The following TRPM3 variants were observed in gnomAD, a reference collection of about 807,000 sequenced individuals.
TRPM3 encodes transient receptor potential cation channel subfamily M member 3.
A neutral mutation model predicts 181.2 loss-of-function variants in TRPM3; 77 were observed. The observed-to-expected ratio is 0.42, with a 90% CI of 0.35 to 0.51. The LOEUF (loss-of-function observed/expected upper bound fraction) is 0.51, where lower values mean the gene tolerates loss of function less well. Among genes scored for constraint, TRPM3 ranks in the 20% least tolerant of loss-of-function variants. TRPM3 has a pLI of 0.01. For missense variants in TRPM3, 1,759 were observed against 2,196.7 expected, an observed-to-expected ratio of 0.80 and a Z score of 3.98; for synonymous variants, 745 against 796.4, an observed-to-expected ratio of 0.94 and a Z score of 1.09.
intron 1 of TRPM3, among the ~76,000 whole-genome samples, chr9:70,954,053 A>AT (rs890353041): frequency 1.4e-4 from 21 of 152,244 alleles, no homozygotes; most frequent in African/African-American, 2.9e-4. Flanking sequence ...GAAGACAATG[A>AT]TTTTTTCAGG....
intron 6 of TRPM3, among the ~76,000 whole-genome samples, chr9:70,820,643 T>C (rs1228997577): frequency 1.3e-5 from 2 of 152,190 alleles, no homozygotes; most frequent in Non-Finnish European, 2.9e-5. Context: ...CACATGGCAC[T>C]GAACCGCCAA....
At chr9:71,072,613 C>T (rs1007306807) in intron 1 of TRPM3, among the ~76,000 whole-genome samples, 1 of 152,098 alleles carries the variant, frequency 6.6e-6, no homozygotes, top group South Asian at 2.1e-4. Context: ...GGACCCAACC[C>T]GTCTGACTCC....
intron 1 of TRPM3, among the ~76,000 whole-genome samples, chr9:71,113,683 G>C (rs1175176595): frequency 3.9e-5 from 6 of 152,128 alleles, no homozygotes; most frequent in Non-Finnish European, 8.8e-5. Flanking sequence ...GTCATTCAAT[G>C]CTCTGTGAGC....
chr9:71,263,541 G>A (rs1458442373), intron 1 of TRPM3, among the ~76,000 whole-genome samples: 3 of 152,138 alleles, frequency 2.0e-5, no homozygotes, highest in Non-Finnish European at 4.4e-5. Flanking sequence ...AGTTAACACT[G>A]TATATGTTTG....
rs113453811 is a variant in TRPM3, at chr9:71,371,992, C to A, written c.183+74661G>T. 1.1e-3 allele frequency among the ~76,000 whole-genome samples: 161 copies of A among 152,208 alleles called. 2 individuals are homozygous for A. Among genetic ancestry groups the A allele is most frequent in the South Asian group, 6.0e-3 (29 of 4,822 alleles). On this transcript the variant is annotated intron_variant, in intron 1 of 24. Transcript: ENST00000357533. ...ATGCTCTCCCTTCCCACATCCCCCCCACAGGTGCCCAGTGTGTGTTGTTCC... is the reference window on the plus strand; with the variant it reads ...ATGCTCTCCCTTCCCACATCCCCCCAACAGGTGCCCAGTGTGTGTTGTTCC...
At chr9:70,884,214 T>A (rs937482100) in intron 1 of TRPM3, among the ~76,000 whole-genome samples, 2 of 152,228 alleles carry the variant, frequency 1.3e-5, no homozygotes, top group African/African-American at 4.8e-5. Context: ...GTTGCTTTTT[T>A]AAAACTTATT....
At chr9:70,919,574 A>G (rs1486391400) in intron 1 of TRPM3, among the ~76,000 whole-genome samples, 1 of 152,146 alleles carries the variant, frequency 6.6e-6, no homozygotes, top group Non-Finnish European at 1.5e-5. Context: ...ACCTGAGGTC[A>G]GGAGTTGGAG....
intron 1 of TRPM3, among the ~76,000 whole-genome samples, chr9:71,387,920 A>C (rs539673485): frequency 6.6e-6 from 1 of 152,278 alleles, no homozygotes; most frequent in African/African-American, 2.4e-5. Flanking sequence ...TTTTCTACTC[A>C]ATCATATATT....
intron 1 of TRPM3, among the ~76,000 whole-genome samples, chr9:71,364,923 T>C (rs775861403): frequency 6.6e-6 from 1 of 152,330 alleles, no homozygotes; most frequent in South Asian, 2.1e-4. Context: ...GAATCTATTC[T>C]TTTTTGGAAA....
chr9:71,054,484 C>T (rs1035999195), intron 1 of TRPM3, among the ~76,000 whole-genome samples: 2 of 152,066 alleles, frequency 1.3e-5, no homozygotes, highest in African/African-American at 4.8e-5. Context: ...TGCAGCTCAG[C>T]TTTTGTTTAT....
intron 1 of TRPM3, among the ~76,000 whole-genome samples, chr9:70,960,135 T>TC (rs1435871471): frequency 9.2e-5 from 14 of 152,268 alleles, no homozygotes; most frequent in Admixed American, 9.2e-4. Context: ...TTTTTTTTTT[T>TC]TTTAACACCT....
intron 1 of TRPM3, among the ~76,000 whole-genome samples, chr9:71,369,299 T>C (rs539769916): frequency 1.3e-5 from 2 of 152,142 alleles, no homozygotes; most frequent in East Asian, 3.9e-4. Context: ...ATACTAGAAG[T>C]TTTTAAAGGA....
At chr9:70,800,567 C>A (rs961084648) in intron 6 of TRPM3, among the ~76,000 whole-genome samples, 6 of 152,172 alleles carry the variant, frequency 3.9e-5, no homozygotes, top group Non-Finnish European at 7.3e-5. Context: ...CAACCCTCCT[C>A]TTCTTCTTTC....
chr9:70,836,318 A>C (rs553002884), intron 5 of TRPM3, among the ~76,000 whole-genome samples: 30 of 151,898 alleles, frequency 2.0e-4, no homozygotes, highest in Non-Finnish European at 3.7e-4. Flanking sequence ...GTCTCCCCCC[A>C]TCTTAAAGGA....
At chr9:71,123,649 T>C (rs2073862319), upstream of TRPM3, among the ~76,000 whole-genome samples, 3 of 152,206 alleles carry the variant, frequency 2.0e-5, no homozygotes. Flanking sequence ...GAATGCTTCT[T>C]GTGAGTTACT....
intron 1 of TRPM3, among the ~76,000 whole-genome samples, chr9:71,108,463 T>G (rs1402643593): frequency 6.6e-6 from 1 of 152,116 alleles, no homozygotes; most frequent in Non-Finnish European, 1.5e-5. Context: ...TTAAATCTTG[T>G]GACTCTATTT....
intron 1 of TRPM3, among the ~76,000 whole-genome samples, chr9:71,069,420 G>A (rs550046529): frequency 5.7e-4 from 86 of 152,178 alleles, no homozygotes; most frequent in African/African-American, 1.8e-3. Context: ...CTCATGATCC[G>A]CCTGCCTTGG....
At chr9:71,005,987 A>G (rs773002293) in intron 1 of TRPM3, among the ~76,000 whole-genome samples, 10 of 152,218 alleles carry the variant, frequency 6.6e-5, no homozygotes, top group Middle Eastern at 3.2e-3. Flanking sequence ...GAAGATAGGC[A>G]ATATAAAATG....
At chr9:71,322,716 T>G (rs1170098813) in intron 1 of TRPM3, among the ~76,000 whole-genome samples, 1 of 152,180 alleles carries the variant, frequency 6.6e-6, no homozygotes, top group Non-Finnish European at 1.5e-5. Flanking sequence ...AAGCATCATA[T>G]AAACTAGTTG....
Sources: gnomAD v4.1 joint callset for allele counts (sites outside exome capture counted in the v4.1 genomes callset) on GRCh38, gnomAD v4.1.1 for gene constraint, MANE v1.5 for transcripts, NCBI Gene and HGNC (gene_info 2026-07-23, HGNC 2026-07-21) for gene names.